GRID1: variants seen among roughly 807,000 people sequenced by gnomAD.
GRID1 encodes the protein glutamate receptor ionotropic, delta-1.
A neutral mutation model predicts 98.0 loss-of-function variants in GRID1; 28 were observed. The ratio of observed to expected loss-of-function variants is 0.29; its 90% confidence interval spans 0.21 to 0.39. The LOEUF is 0.39. Ranked by LOEUF, GRID1 falls within the 10% of genes least tolerant of loss-of-function variation. GRID1 has a pLI of 1.00. For synonymous variants in GRID1, 553 were observed against 538.5 expected, an observed-to-expected ratio of 1.03 and a Z score of -0.37; for missense variants, 1,111 against 1,340.5, an observed-to-expected ratio of 0.83 and a Z score of 2.67.
intron 2 of GRID1, among the ~76,000 whole-genome samples, chr10:86,242,943 G>T (rs1846661426): frequency 6.6e-6 from 1 of 152,084 alleles, no homozygotes; most frequent in Non-Finnish European, 1.5e-5. Context: ...AGCCCCACCT[G>T]CCTCACCAAA....
chr10:86,223,933 C>T lies in GRID1; in HGVS notation c.236-17285G>A, dbSNP rs921073471. ...GACCAGCAAGTGATAGACCAAGGAC[C>T]AGCAGATGATAGACCAAGGACCAGC... On this transcript the variant is annotated intron_variant, in intron 2 of 15. Transcript: ENST00000327946. 3.3e-5 allele frequency among the ~76,000 whole-genome samples: 5 copies of T among 152,140 alleles called. No homozygotes were observed. The East Asian group carries it at 9.6e-4, about 29-fold the overall frequency.
intron 5 of GRID1, among the ~76,000 whole-genome samples, chr10:85,878,036 T>C (rs929099987): frequency 1.3e-5 from 2 of 151,866 alleles, no homozygotes; most frequent in African/African-American, 4.8e-5. Context: ...GAAGACGAAA[T>C]GAATGAAATG....
chr10:86,211,050 TTCTG>T (rs1189256325), intron 2 of GRID1, among the ~76,000 whole-genome samples: 1 of 152,220 alleles, frequency 6.6e-6, no homozygotes, highest in African/African-American at 2.4e-5. Flanking sequence ...CTTTATTTCT[TTCTG>T]TCTTTCTTTC....
chr10:86,339,904 C>A (rs906046972), intron 2 of GRID1, among the ~76,000 whole-genome samples: 2 of 152,158 alleles, frequency 1.3e-5, no homozygotes, highest in Non-Finnish European at 2.9e-5. Context: ...AAGGTTAACC[C>A]ATCGTCCAGC....
At chr10:85,935,681 T>C (rs1211936338) in intron 4 of GRID1, among the ~76,000 whole-genome samples, 1 of 152,210 alleles carries the variant, frequency 6.6e-6, no homozygotes, top group Non-Finnish European at 1.5e-5. Flanking sequence ...CCAGGCACTG[T>C]ACTAAGTATG....
At chr10:85,930,106 A>G (rs1257629935) in intron 4 of GRID1, among the ~76,000 whole-genome samples, 2 of 151,970 alleles carry the variant, frequency 1.3e-5, no homozygotes, top group African/African-American at 4.8e-5. Context: ...TGCATTAACA[A>G]TTGCTCTGAC....
intron 3 of GRID1, among the ~76,000 whole-genome samples, chr10:86,176,134 C>T (rs1034448472): frequency 2.0e-5 from 3 of 152,234 alleles, no homozygotes; most frequent in African/African-American, 4.8e-5. Context: ...TCAGCTGCTG[C>T]GCCCAGCCAG....
rs1026384147 is a variant in GRID1 at position 85,620,319 on chromosome 10, G to A, written c.2194-286C>T. Among the ~76,000 whole-genome samples the A allele has an allele frequency of 9.9e-5, 15 of 152,190 alleles. No individual in the cohort carries two copies. In the East Asian group the frequency reaches 2.7e-3, roughly 27 times the overall value. Reference sequence around the variant, plus strand: ...AGGTGGGCTCTAAGACGAGCTTCCTGGTCACAGTGCTATGGGCCTATGTCT... The same window carrying A: ...AGGTGGGCTCTAAGACGAGCTTCCTAGTCACAGTGCTATGGGCCTATGTCT... On this transcript the variant is annotated intron_variant, in intron 13 of 15. Coordinates refer to ENST00000327946, the MANE Select transcript of GRID1 (RefSeq NM_017551.3).
chr10:86,088,532 T>C (rs532152358), intron 4 of GRID1, among the ~76,000 whole-genome samples: 90 of 152,334 alleles, frequency 5.9e-4, no homozygotes, highest in African/African-American at 2.1e-3. Context: ...ATCCCAGCTC[T>C]GAAACAGTGA....
intron 2 of GRID1, among the ~76,000 whole-genome samples, chr10:86,272,428 T>C (rs1017774254): frequency 9.2e-5 from 14 of 152,208 alleles, no homozygotes; most frequent in Admixed American, 5.9e-4. Context: ...CCCAGCATGA[T>C]GTTATGTTGA....
intron 4 of GRID1, among the ~76,000 whole-genome samples, chr10:85,938,006 C>G (rs1483529194): frequency 1.3e-5 from 2 of 152,230 alleles, no homozygotes; most frequent in Non-Finnish European, 2.9e-5. Flanking sequence ...CTATCAACAT[C>G]TAGACTCTCC....
chr10:86,268,000 G>A (rs112438270), intron 2 of GRID1, among the ~76,000 whole-genome samples: 33 of 152,318 alleles, frequency 2.2e-4, no homozygotes, highest in African/African-American at 7.5e-4. Context: ...CCCACAGCCC[G>A]GTGCTCGCCT....
chr10:85,783,772 A>G (rs1250545411), intron 8 of GRID1, among the ~76,000 whole-genome samples: 1 of 152,212 alleles, frequency 6.6e-6, no homozygotes, highest in African/African-American at 2.4e-5. Flanking sequence ...CCTCTCATCC[A>G]GCATGGCCAG....
At chr10:85,830,790 A>G (rs1590253568) in intron 8 of GRID1, among the ~76,000 whole-genome samples, 1 of 152,220 alleles carries the variant, frequency 6.6e-6, no homozygotes, top group Admixed American at 6.5e-5. Context: ...CAGAATAGCT[A>G]TTATTAAAAA....
In GRID1 at chr10:85,806,650, C is replaced by A. The variant is rs566639669; in HGVS notation, c.1233+47846G>T. ...CAATAAAAAGGAATAAACAAAACAA[C>A]GTGGAAAACTCAAAAACATTAGGCT... On this transcript the variant is annotated intron_variant, in intron 8 of 15. Transcript: ENST00000327946. Among the ~76,000 whole-genome samples, 3 of 151,892 alleles carry A rather than the reference C, an allele frequency of 2.0e-5. No individual in the cohort carries two copies. In the East Asian group the frequency reaches 5.8e-4, roughly 29 times the overall value.
intron 4 of GRID1, among the ~76,000 whole-genome samples, chr10:85,952,796 C>A (rs987385943): frequency 6.6e-6 from 1 of 152,136 alleles, no homozygotes; most frequent in Non-Finnish European, 1.5e-5. Flanking sequence ...CCTTTAATCA[C>A]ATGGGTTTAA....
At chr10:85,789,918 G>GC (rs1422440937) in intron 8 of GRID1, among the ~76,000 whole-genome samples, 1 of 152,200 alleles carries the variant, frequency 6.6e-6, no homozygotes, top group Non-Finnish European at 1.5e-5. Flanking sequence ...AGGCTGAAGA[G>GC]CCCCAAGTTC....
intron 3 of GRID1, among the ~76,000 whole-genome samples, chr10:86,156,506 G>A (rs2131983505): frequency 6.6e-6 from 1 of 152,320 alleles, no homozygotes; most frequent in South Asian, 2.1e-4. Context: ...GGAAGCTGGG[G>A]TGAGGGAATT....
chr10:86,269,237 C>T (rs1019855363), intron 2 of GRID1, among the ~76,000 whole-genome samples: 1 of 152,176 alleles, frequency 6.6e-6, no homozygotes, highest in African/African-American at 2.4e-5. Flanking sequence ...CTTTGATTAG[C>T]TCCAAGATGC....
Sources: allele counts gnomAD v4.1 joint callset (sites outside exome capture counted in the v4.1 genomes callset), GRCh38; gene constraint gnomAD v4.1.1; transcripts MANE v1.5; gene names NCBI Gene and HGNC (gene_info 2026-07-23, HGNC 2026-07-21).